The following PDCD11 variants were observed in gnomAD, a reference collection of about 807,000 sequenced individuals.
The protein encoded by PDCD11 is programmed cell death 11, also known as protein RRP5 homolog.
PDCD11 carries 97 observed loss-of-function variants against 198.9 expected under a neutral mutation model. The ratio of observed to expected loss-of-function variants is 0.49; its 90% CI spans 0.41 to 0.58. PDCD11 has a LOEUF of 0.58. Ranked by LOEUF, PDCD11 falls within the 20% of genes least tolerant of loss-of-function variation. The pLI is 0.00. For missense variants in PDCD11, 2,102 were observed against 2,312.7 expected, an observed-to-expected ratio of 0.91 and a Z score of 1.87; for synonymous variants, 893 against 918.0, an observed-to-expected ratio of 0.97 and a Z score of 0.49.
chr10:103,407,654 C>T (rs1195891976), intron 7 of PDCD11, among the ~76,000 whole-genome samples: 2 of 152,180 alleles, frequency 1.3e-5, no homozygotes, highest in Admixed American at 6.5e-5. Context: ...TAGTGATCCT[C>T]CCACCCTGGC....
At chr10:103,400,783 ACT>A (rs2029986723) in intron 3 of PDCD11, among the ~76,000 whole-genome samples, 1 of 151,292 alleles carries the variant, frequency 6.6e-6, no homozygotes, top group Non-Finnish European at 1.5e-5. Context: ...GACAGGCCTG[ACT>A]CTGTTGCTCA....
At chr10:103,441,749 C>T in intron 30 of PDCD11, 77 bp from the exon 31 acceptor site, 1 of 1,404,134 alleles carries the variant, frequency 7.1e-7, no homozygotes, top group Non-Finnish European at 9.9e-7. Flanking sequence ...GTCCATGCTC[C>T]TCCAGGTGGG....
At position 103,402,984 on chromosome 10, in the gene PDCD11, G is replaced by A. The variant is rs2030205458; in HGVS notation, c.235-134G>A. 11 of 818,324 alleles carry A rather than the reference G, an allele frequency of 1.3e-5. No homozygotes were observed. The South Asian group carries it at 1.8e-4, about 13-fold the overall frequency. The allele number at this position is 818,324 out of a possible 1,614,324, so 50.7% of individuals were successfully genotyped here. ...AGTCCTCCTGCCTTGGCCACCCAAA[G>A]TATTGGAATTATAGGGCGTAAGCCA... On this transcript the variant is annotated intron_variant, in intron 3 of 35. Coordinates refer to ENST00000369797, the MANE Select transcript of PDCD11 (RefSeq NM_014976.2).
chr10:103,417,840 C>G lies in PDCD11; in HGVS notation c.1819C>G (p.Leu607Val), dbSNP rs765544212. The G allele has an allele frequency of 1.9e-6, 3 of 1,614,056 alleles. No individual in the cohort carries two copies. In the Admixed American group the frequency reaches 5.0e-5, roughly 27 times the overall value. The change falls in exon 14 of 36, where the codon CTC becomes GTC. Residue 607 changes from leucine (L) to valine (V), a missense_variant. Leu to Val is a conservative substitution (Grantham distance 32, BLOSUM62 1). Coordinates refer to ENST00000369797, the MANE Select transcript of PDCD11 (RefSeq NM_014976.2). ...CTGTGAGCCATCCAAAGAGAGGATG[C>G]TCTTATCCTTCAAGCTGTCGAGTGA... ...LNCEPSKERM[L>V]LSFKLSSDPE...
rs1163609981 is a variant in PDCD11, at chr10:103,434,965, A to C, written c.3835A>C (p.Lys1279Gln). 4 of 1,565,030 alleles carry C rather than the reference A, an allele frequency of 2.6e-6. No individual in the cohort carries two copies. Among genetic ancestry groups the C allele is most frequent in the Non-Finnish European group, 3.5e-6 (4 of 1,153,800 alleles). ...ETPLEDFVPQ[K>Q]VVRCYILSTA... ...GCCCCTGGAAGACTTCGTCCCCCAG[A>C]AGGTTGTCAGGTAAGCGAAGTGTTC... is the stretch of plus-strand genomic sequence containing the variant. Residue 1279 changes from lysine to glutamine, a missense_variant, in exon 25 of 36, where the codon AAG becomes CAG. Transcript: ENST00000369797.
rs138257483 is a variant in PDCD11 at position 103,414,176 on chromosome 10, G to A, written c.1310+86G>A. ...ATTTCTCCTGGCTGTGCTTGGGAAGGGTTTTCTTTCTTGCCAGCATGCCTG... is the reference window on the plus strand; with the variant it reads ...ATTTCTCCTGGCTGTGCTTGGGAAGAGTTTTCTTTCTTGCCAGCATGCCTG... On this transcript the variant is annotated intron_variant, in intron 10 of 35. Transcript: ENST00000369797. 7 of 1,581,062 alleles carry A rather than the reference G, an allele frequency of 4.4e-6. No homozygotes were observed. The South Asian group carries it at 4.5e-5, about 10-fold the overall frequency.
Position 103,418,521 on chromosome 10 carries a change from C to T in PDCD11, c.1993C>T (p.Pro665Ser). Residue 665 changes from proline (P) to serine (S), a missense_variant, in exon 15 of 36, where the codon CCC (proline) becomes TCC (serine). By Grantham distance (74) the Pro-to-Ser change is moderately conservative. Coordinates refer to ENST00000369797, the MANE Select transcript of PDCD11 (RefSeq NM_014976.2). ...GCCCCACAACATCCGTGCTTTCCTC[C>T]CCACATCTCATCTGTCGGACCACGT... The part of the protein sequence containing the change: ...VLPHNIRAFL[P>S]TSHLSDHVAN... 6.2e-7 allele frequency: 1 copy of T among 1,614,178 alleles called. No individual in the cohort carries two copies. The highest frequency in any genetic ancestry group is 8.5e-7 in the Non-Finnish European group (1 of 1,180,030).
intron 7 of PDCD11, among the ~76,000 whole-genome samples, chr10:103,408,596 A>G (rs1365142729): frequency 6.6e-6 from 1 of 152,080 alleles, no homozygotes; most frequent in Non-Finnish European, 1.5e-5. Context: ...GCTGGAGTGC[A>G]GTGGCATGAT....
Position 103,446,002 on chromosome 10 carries a change from C to T in PDCD11, c.*453C>T, listed in dbSNP as rs1038300064. 4 of 164,106 alleles carry T rather than the reference C, an allele frequency of 2.4e-5. No individual in the cohort carries two copies. The East Asian group carries it at 5.0e-4, about 21-fold the overall frequency. The allele number at this position is 164,106 out of a possible 1,614,324, so 10.2% of individuals were successfully genotyped here. The stretch of plus-strand genomic sequence containing the variant: ...ATCTTGGAGTCTCTGGGTGTTCCTT[C>T]AGCCTCAGCCTCACTGGTACCTTCT... On this transcript the variant is annotated 3_prime_UTR_variant, in exon 36 of 36. Transcript: ENST00000369797.
At position 103,418,595 on chromosome 10, in the gene PDCD11, T is replaced by C; in HGVS notation, c.2067T>C (p.Leu689=). The C allele has an allele frequency of 6.2e-7, 1 of 1,614,154 alleles. No individual in the cohort carries two copies. Among genetic ancestry groups the C allele is most frequent in the South Asian group, 1.1e-5 (1 of 91,088 alleles). ...LHHWLQAGDI[L]HRVLCLSQSE... Reference sequence around the variant, plus strand: ...ATTGGCTCCAGGCAGGTGACATCCTTCACCGAGTCCTGTGTCTGAGCCAGA... The same window carrying C: ...ATTGGCTCCAGGCAGGTGACATCCTCCACCGAGTCCTGTGTCTGAGCCAGA... Residue 689 remains leucine (L), a synonymous_variant, in exon 15 of 36, where the codon CTT becomes CTC. Transcript: ENST00000369797.
intron 20 of PDCD11, among the ~76,000 whole-genome samples, chr10:103,426,820 A>G (rs187768085): frequency 6.6e-6 from 1 of 151,026 alleles, no homozygotes; most frequent in East Asian, 2.0e-4. Context: ...GGCTGGGTGT[A>G]GTGGCTGAAC....
rs777089680 is a variant in PDCD11, at chr10:103,440,553, G to A, written c.4412G>A (p.Arg1471Gln). The A allele has an allele frequency of 6.8e-6, 11 of 1,611,714 alleles. No individual in the cohort carries two copies. In the Admixed American group the frequency reaches 8.3e-5, roughly 12 times the overall value. The change falls in exon 29 of 36, where the codon CGG becomes CAG. Residue 1471 changes from arginine (R) to glutamine (Q), a missense_variant. Arg to Gln is a conservative substitution (Grantham distance 43). Coordinates refer to ENST00000369797, the MANE Select transcript of PDCD11 (RefSeq NM_014976.2). ...QKPQAQKRGG[R>Q]ECRESGSEQE... The stretch of plus-strand genomic sequence containing the variant: ...CCACAGGCGCAGAAGCGGGGCGGGC[G>A]GGAGTGCCGGGAGTCTGGGAGTGAG...
At chr10:103,403,488 C>T (rs1366778481) in intron 4 of PDCD11, among the ~76,000 whole-genome samples, 1 of 151,892 alleles carries the variant, frequency 6.6e-6, no homozygotes, top group Non-Finnish European at 1.5e-5. Flanking sequence ...ATGAGGGTTC[C>T]CTAGATAAAG....
chr10:103,413,991 A>C lies in PDCD11; in HGVS notation c.1211A>C (p.Asn404Thr). 1.2e-6 allele frequency: 2 copies of C among 1,613,014 alleles called. No homozygotes were observed. The highest frequency in any genetic ancestry group is 1.7e-6 in the Non-Finnish European group (2 of 1,179,594). Residue 404 changes from asparagine to threonine, a missense_variant, in exon 10 of 36, where the codon AAC becomes ACC. Physicochemically the swap from Asn to Thr is moderately conservative, Grantham distance 65. Transcript: ENST00000369797. ...CTCAGCCATCTCTCTGATTCTAAGAACGTCTTCAATCCTGAGGCCTTCAAG... is the reference window on the plus strand; with the variant it reads ...CTCAGCCATCTCTCTGATTCTAAGACCGTCTTCAATCCTGAGGCCTTCAAG... Reference protein sequence around the residue: ...ARLSHLSDSKNVFNPEAFKPG... With the variant: ...ARLSHLSDSKTVFNPEAFKPG...
chr10:103,418,899 G>A (rs938601981), intron 15 of PDCD11, among the ~76,000 whole-genome samples: 2 of 152,134 alleles, frequency 1.3e-5, no homozygotes, highest in African/African-American at 4.8e-5. Context: ...TGGGGTGCTT[G>A]GGAGCACATC....
chr10:103,409,426 T>G (rs2030660349), intron 7 of PDCD11, among the ~76,000 whole-genome samples: 1 of 152,148 alleles, frequency 6.6e-6, no homozygotes, highest in Admixed American at 6.5e-5. Flanking sequence ...ATACAAAGCT[T>G]CTTCCATTCC....
intron 5 of PDCD11, 63 bp from the exon 6 acceptor site, chr10:103,405,922 A>C (rs1592113723): frequency 1.3e-6 from 2 of 1,563,756 alleles, no homozygotes; most frequent in African/African-American, 2.7e-5. Flanking sequence ...TCAAGTTTGG[A>C]TGTTTTGTGT....
chr10:103,421,199 A>C, intron 16 of PDCD11, 149 bp from the exon 17 acceptor site: 6 of 618,182 alleles, frequency 9.7e-6, no homozygotes, highest in Non-Finnish European at 1.7e-5. Context: ...TTTTTATGGA[A>C]GGGAAGTAGA....
At chr10:103,406,991 CTT>C (rs2030496473) in intron 7 of PDCD11, among the ~76,000 whole-genome samples, 1 of 152,096 alleles carries the variant, frequency 6.6e-6, no homozygotes, top group Middle Eastern at 3.2e-3. Context: ...ACTAAAAAGT[CTT>C]TTGTTTCTTT....
Sources: gnomAD v4.1 joint callset for allele counts (sites outside exome capture counted in the v4.1 genomes callset) on GRCh38, gnomAD v4.1.1 for gene constraint, MANE v1.5 for transcripts, NCBI Gene and HGNC (gene_info 2026-07-23, HGNC 2026-07-21) for gene names.